DIAPH2: variants seen among roughly 807,000 people sequenced by gnomAD.
DIAPH2 encodes the protein diaphanous related formin 2.
Under a neutral mutation model 92.7 loss-of-function variants are expected in DIAPH2, and 35 were observed. That is an observed-to-expected ratio of 0.38 (90% CI 0.29 to 0.50). DIAPH2 has a LOEUF of 0.50. Ranked by LOEUF, DIAPH2 falls within the 20% of genes least tolerant of loss-of-function variation. The pLI is 0.94. For synonymous variants in DIAPH2, 301 were observed against 280.4 expected (o/e 1.07, Z -0.73); for missense variants, 701 against 819.5 (o/e 0.86, Z 1.77).
chrX:97,453,269 TCC>T (rs2070374095), intron 26 of DIAPH2, among the ~76,000 whole-genome samples: 1 of 110,905 alleles, frequency 9.0e-6, no homozygotes, highest in Non-Finnish European at 1.9e-5. Context: ...ACTCCATCCA[TCC>T]CTTAAATTAG....
At chrX:97,411,584 C>T (rs1442178824) in intron 25 of DIAPH2, among the ~76,000 whole-genome samples, 1 of 111,347 alleles carries the variant, frequency 9.0e-6, no homozygotes, top group Non-Finnish European at 1.9e-5. Flanking sequence ...GGCTAAATGC[C>T]CCAATTAAAA....
intron 17 of DIAPH2, among the ~76,000 whole-genome samples, chrX:97,040,116 GGTTCTTTT>G (rs2066438335): frequency 9.1e-6 from 1 of 109,302 alleles, no homozygotes; most frequent in Non-Finnish European, 1.9e-5. Flanking sequence ...TTTATTGTGT[GGTTCTTTT>G]TTGTCACAAA....
intron 1 of DIAPH2, among the ~76,000 whole-genome samples, chrX:96,715,919 T>C (rs2043315659): frequency 9.1e-6 from 1 of 109,833 alleles, no homozygotes; most frequent in African/African-American, 3.3e-5. Context: ...TTTTTTTTCT[T>C]CTTGTCTTGC....
chrX:97,185,896 G>T (rs775043381), intron 22 of DIAPH2, among the ~76,000 whole-genome samples: 1 of 110,007 alleles, frequency 9.1e-6, no homozygotes, highest in African/African-American at 3.3e-5. Context: ...TGAAGTATAG[G>T]TTCCCATCCT....
intron 26 of DIAPH2, among the ~76,000 whole-genome samples, chrX:97,515,429 G>T (rs1433437406): frequency 1.8e-5 from 2 of 112,098 alleles, no homozygotes; most frequent in African/African-American, 6.5e-5. Flanking sequence ...CTAGTGAGAT[G>T]AACCCGGTAC....
intron 23 of DIAPH2, among the ~76,000 whole-genome samples, chrX:97,327,991 C>A (rs1228358244): frequency 8.9e-6 from 1 of 112,483 alleles, no homozygotes; most frequent in East Asian, 2.8e-4. Context: ...TACTTAAAAA[C>A]AAAGATGTTC....
chrX:97,203,120 A>C (rs2067766881), intron 22 of DIAPH2, among the ~76,000 whole-genome samples: 1 of 111,939 alleles, frequency 8.9e-6, no homozygotes, highest in Non-Finnish European at 1.9e-5. Flanking sequence ...CTTTGAAACC[A>C]ATGAGAACAA....
chrX:97,533,346 A>G (rs1262838440), intron 26 of DIAPH2: 1 of 111,821 alleles, frequency 8.9e-6, no homozygotes, highest in Admixed American at 9.5e-5. Flanking sequence ...TGCAAGATCC[A>G]GTCCAGAATC....
intron 5 of DIAPH2, among the ~76,000 whole-genome samples, chrX:96,894,961 T>C (rs1425902014): frequency 9.7e-6 from 1 of 103,088 alleles, no homozygotes; most frequent in East Asian, 3.0e-4. Context: ...CATATACAGA[T>C]TAGTTTTTCT....
At position 97,476,984 on chromosome X, in the gene DIAPH2, T is replaced by TATAC. The variant is rs1280074551; in HGVS notation, c.3241+47240_3241+47241insTACA. On this transcript the variant is annotated intron_variant, in intron 26 of 26. Coordinates refer to ENST00000324765, the MANE Select transcript of DIAPH2 (RefSeq NM_006729.5). ...AAAAAAAAAAATATATATATATATA[T>TATAC]ACACACACACACACACACACACACA... 9.6e-4 allele frequency among the ~76,000 whole-genome samples: 55 copies of TATAC among 57,060 alleles called. 1 individual carries two copies. The highest frequency in any genetic ancestry group is 2.1e-3 in the African/African-American group (24 of 11,664). The allele number at this position is 57,060 out of a possible 115,157, so 49.5% of individuals were successfully genotyped here.
chrX:96,945,673 G>A lies in DIAPH2; in HGVS notation c.1509+82G>A. On this transcript the variant is annotated intron_variant, in intron 14 of 26. Transcript: ENST00000324765. ...ACTCTACCTTCTTTATTAATATGAG[G>A]GCTTCTAAATGTTTCATTTATGTAG... 14 of 671,012 alleles carry A rather than the reference G, an allele frequency of 2.1e-5. No individual in the cohort carries two copies. The Middle Eastern group carries it at 4.1e-3, about 196-fold the overall frequency. 55.3% of individuals were successfully genotyped at this position (671,012 alleles called of 1,213,427 possible). A position where few individuals can be genotyped will look rare whatever the true frequency, so the allele number is the denominator to read the frequency against.
At chrX:96,804,128 GT>G (rs1285931966) in intron 4 of DIAPH2, among the ~76,000 whole-genome samples, 1 of 111,634 alleles carries the variant, frequency 9.0e-6, no homozygotes, top group Non-Finnish European at 1.9e-5. Flanking sequence ...TGTTTCCTGA[GT>G]TTTTGTTCAA....
intron 23 of DIAPH2, among the ~76,000 whole-genome samples, chrX:97,301,342 G>A (rs141470628): frequency 0.029 from 3,211 of 110,501 alleles, 49 homozygotes; most frequent in Middle Eastern, 0.047. Context: ...GATACATTAA[G>A]TACAAATGTT....
At chrX:97,346,887 A>G (rs753819353) in intron 23 of DIAPH2, among the ~76,000 whole-genome samples, 24 of 110,874 alleles carry the variant, frequency 2.2e-4, no homozygotes, top group African/African-American at 7.5e-4. Flanking sequence ...TGCCTGCTTC[A>G]GGAGAAAAGG....
chrX:96,762,704 G>A (rs1276475248), intron 4 of DIAPH2, among the ~76,000 whole-genome samples: 1 of 109,972 alleles, frequency 9.1e-6, no homozygotes, highest in African/African-American at 3.3e-5. Context: ...AGGCAATATT[G>A]GAAAAAACAA....
chrX:97,394,961 C>A (rs2147743426), intron 25 of DIAPH2, among the ~76,000 whole-genome samples: 1 of 111,571 alleles, frequency 9.0e-6, no homozygotes, highest in East Asian at 2.8e-4. Flanking sequence ...TATCCTTGAA[C>A]AACTCATCTA....
chrX:97,506,307 G>A (rs1422310206), intron 26 of DIAPH2, among the ~76,000 whole-genome samples: 1 of 107,865 alleles, frequency 9.3e-6, no homozygotes, highest in Non-Finnish European at 1.9e-5. Context: ...ACGCCATGAA[G>A]CCCGGCTAAT....
At chrX:96,754,823 C>T (rs1339297025) in intron 3 of DIAPH2, among the ~76,000 whole-genome samples, 1 of 100,600 alleles carries the variant, frequency 9.9e-6, no homozygotes, top group East Asian at 3.3e-4. Context: ...ACTTGGGAGG[C>T]TGAGGCAGGA....
intron 25 of DIAPH2, among the ~76,000 whole-genome samples, chrX:97,390,399 T>C (rs143186225): frequency 0.011 from 1,241 of 109,550 alleles, 18 homozygotes; most frequent in African/African-American, 0.039. Context: ...TTTGTATTTT[T>C]TGTAGGTGTG....
Sources: allele counts gnomAD v4.1 joint callset (sites outside exome capture counted in the v4.1 genomes callset), GRCh38; gene constraint gnomAD v4.1.1; transcripts MANE v1.5; gene names NCBI Gene and HGNC (gene_info 2026-07-23, HGNC 2026-07-21).